LRRC18: variants seen among roughly 807,000 people sequenced by gnomAD.
LRRC18 encodes leucine rich repeat containing 18, also known as leucine-rich repeat-containing protein 18.
A neutral mutation model predicts 11.2 loss-of-function variants in LRRC18; 12 were observed. The observed-to-expected ratio is 1.07, with a 90% CI of 0.69 to 1.74. LRRC18 has a LOEUF of 1.74. LRRC18 is among the 40% of genes most tolerant of loss of function. The probability of loss-of-function intolerance (pLI) is 0.00; values close to 1 mark genes in which losing one functional copy is unlikely to be tolerated. For missense variants in LRRC18, 374 were observed against 330.5 expected, an observed-to-expected ratio of 1.13 and a Z score of -1.02; for synonymous variants, 155 against 130.6, an observed-to-expected ratio of 1.19 and a Z score of -1.27.
the LRRC18 span, among the ~76,000 whole-genome samples, chr10:48,926,917 G>A: frequency 6.6e-6 from 1 of 152,308 alleles, no homozygotes; most frequent in African/African-American, 2.4e-5. Context: ...CAGGCCCAAC[G>A]CAGTGTGAAC....
upstream of LRRC18, among the ~76,000 whole-genome samples, chr10:48,917,333 T>A (rs1838643430): frequency 6.6e-6 from 1 of 152,168 alleles, no homozygotes; most frequent in African/African-American, 2.4e-5. Context: ...CAGAAAAACA[T>A]TTGAAGGAAA....
the LRRC18 span, among the ~76,000 whole-genome samples, chr10:48,939,386 A>C: frequency 6.6e-6 from 1 of 152,156 alleles, no homozygotes; most frequent in African/African-American, 2.4e-5. Context: ...AGTGTGTTGC[A>C]AGGATGATAT....
chr10:48,933,361 G>A, the LRRC18 span, among the ~76,000 whole-genome samples: 44 of 152,328 alleles, frequency 2.9e-4, no homozygotes, highest in Non-Finnish European at 4.4e-4. Flanking sequence ...AGTCAAAGGC[G>A]CATGCCTCGA....
chr10:48,920,568 C>T, the LRRC18 span, among the ~76,000 whole-genome samples: 12 of 152,160 alleles, frequency 7.9e-5, no homozygotes, highest in Admixed American at 2.0e-4. Flanking sequence ...TATCATACTT[C>T]GTGAAGGACA....
At chr10:48,922,279 T>C in the LRRC18 span, among the ~76,000 whole-genome samples, 1 of 152,210 alleles carries the variant, frequency 6.6e-6, no homozygotes, top group Admixed American at 6.5e-5. Context: ...GAATCATCCC[T>C]TTTTCCAGTG....
exon 1 of LRRC18, chr10:48,913,853 G>C: frequency 1.2e-6 from 2 of 1,614,146 alleles, no homozygotes; most frequent in Non-Finnish European, 1.7e-6. Context: ...TGCTGACGTT[G>C]AGGTAGAGCA....
chr10:48,936,197 A>G, the LRRC18 span, among the ~76,000 whole-genome samples: 64 of 152,168 alleles, frequency 4.2e-4, no homozygotes, highest in Non-Finnish European at 9.3e-4. Context: ...TCAATTTAGA[A>G]ATAAAAACAA....
At chr10:48,910,096 C>T (rs1036583551) in exon 2 of LRRC18, 17 of 727,630 alleles carry the variant, frequency 2.3e-5, no homozygotes, top group African/African-American at 1.2e-4. Flanking sequence ...AGAAGCAAGT[C>T]GGTGGCTTGG....
intron 1 of LRRC18, 34 bp downstream of exon 3, chr10:48,913,356 CTT>C: frequency 6.3e-7 from 1 of 1,589,144 alleles, no homozygotes; most frequent in South Asian, 1.1e-5. Context: ...CTCCCTCTCT[CTT>C]TCCCTTCTGC....
At chr10:48,934,910 C>T in the LRRC18 span, among the ~76,000 whole-genome samples, 2 of 152,344 alleles carry the variant, frequency 1.3e-5, no homozygotes, top group Admixed American at 1.3e-4. Flanking sequence ...CCTTCCCAGG[C>T]TCGCCTGTGC....
the LRRC18 span, among the ~76,000 whole-genome samples, chr10:48,927,393 G>A: frequency 3.5e-4 from 54 of 152,308 alleles, no homozygotes; most frequent in African/African-American, 9.4e-4. Context: ...GGGAATATGT[G>A]TGAGAAGTTT....
At chr10:48,914,183 T>A in exon 1 of LRRC18, 1 of 1,596,974 alleles carries the variant, frequency 6.3e-7, no homozygotes, top group South Asian at 1.1e-5. Context: ...GTGTTAGAAG[T>A]TTATTGTTCT....
the LRRC18 span, among the ~76,000 whole-genome samples, chr10:48,927,334 C>T: frequency 7.9e-5 from 12 of 152,304 alleles, no homozygotes; most frequent in East Asian, 2.1e-3. Flanking sequence ...ATCCGCAACA[C>T]TCTCCTTTGT....
the LRRC18 span, among the ~76,000 whole-genome samples, chr10:48,919,380 G>A: frequency 1.3e-5 from 2 of 152,124 alleles, no homozygotes; most frequent in Non-Finnish European, 1.5e-5. Flanking sequence ...TTGAAGAAAT[G>A]GAATTCACGG....
At chr10:48,928,353 C>CGTGTGTGTGTGTGTGT in the LRRC18 span, among the ~76,000 whole-genome samples, 183 of 125,040 alleles carry the variant, frequency 1.5e-3, 5 homozygotes, top group Non-Finnish European at 2.2e-3. Context: ...TTGGTTTTGA[C>CGTGTGTGTGTGTGTGT]GTGTGTGTGT....
chr10:48,926,733 A>G, the LRRC18 span, among the ~76,000 whole-genome samples: 21 of 152,374 alleles, frequency 1.4e-4, no homozygotes, highest in Admixed American at 8.5e-4. Context: ...TTTTAATAGC[A>G]TTAATGGAGT....
At chr10:48,913,604 C>A (rs749657019) in exon 1 of LRRC18, 5 of 1,614,132 alleles carry the variant, frequency 3.1e-6, no homozygotes, top group Non-Finnish European at 4.2e-6. Context: ...ATATTTCCGA[C>A]TCACCTGGCT....
exon 2 of LRRC18, chr10:48,909,915 G>C (rs527605711): frequency 9.3e-6 from 3 of 321,568 alleles, no homozygotes; most frequent in Admixed American, 8.8e-5. Context: ...GAAATGTAGA[G>C]GCAGTAAGCC....
the LRRC18 span, among the ~76,000 whole-genome samples, chr10:48,938,481 C>G: frequency 6.6e-6 from 1 of 152,276 alleles, no homozygotes; most frequent in South Asian, 2.1e-4. Context: ...GCTCTGCCAG[C>G]CCCCGATGGA....
Sources: gnomAD v4.1 joint callset for allele counts (sites outside exome capture counted in the v4.1 genomes callset) on GRCh38, gnomAD v4.1.1 for gene constraint, MANE v1.5 for transcripts, NCBI Gene and HGNC (gene_info 2026-07-23, HGNC 2026-07-21) for gene names.